EEIG2: variants seen among roughly 807,000 people sequenced by gnomAD.
EEIG2 encodes family with sequence similarity 102 member B.
chr1:108,611,165 A>G, the EEIG2 span, among the ~76,000 whole-genome samples: 1 of 152,180 alleles, frequency 6.6e-6, no homozygotes, highest in African/African-American at 2.4e-5. Context: ...TGCCATTTAT[A>G]TGTGCCCACT....
At chr1:108,618,617 GC>G in the EEIG2 span, among the ~76,000 whole-genome samples, 4 of 152,046 alleles carry the variant, frequency 2.6e-5, no homozygotes, top group African/African-American at 9.7e-5. Context: ...ATTTGGCCGG[GC>G]TCGGTGGCTC....
At chr1:108,624,752 T>C in the EEIG2 span, 1 of 1,609,442 alleles carries the variant, frequency 6.2e-7, no homozygotes, top group Non-Finnish European at 8.5e-7. Flanking sequence ...ATAGCAGGTA[T>C]GGATGTGTGG....
the EEIG2 span, among the ~76,000 whole-genome samples, chr1:108,565,678 A>G: frequency 6.6e-6 from 1 of 152,172 alleles, no homozygotes; most frequent in Non-Finnish European, 1.5e-5. Context: ...TGTGGCAGAA[A>G]CACATGTGAA....
the EEIG2 span, among the ~76,000 whole-genome samples, chr1:108,596,010 A>G: frequency 2.0e-5 from 3 of 152,174 alleles, no homozygotes; most frequent in African/African-American, 7.2e-5. Context: ...GGAAAAAACA[A>G]GAGATTAAGA....
the EEIG2 span, chr1:108,624,749 G>T: frequency 1.9e-6 from 3 of 1,610,766 alleles, no homozygotes; most frequent in African/African-American, 2.7e-5. Flanking sequence ...GGAATAGCAG[G>T]TATGGATGTG....
the EEIG2 span, chr1:108,628,271 T>C: frequency 6.2e-7 from 1 of 1,614,014 alleles, no homozygotes; most frequent in Non-Finnish European, 8.5e-7. Context: ...AGGTAGAGGC[T>C]AACAGTGAAG....
the EEIG2 span, chr1:108,600,500 TG>T: frequency 1.3e-6 from 2 of 1,556,446 alleles, no homozygotes; most frequent in Admixed American, 3.5e-5. Flanking sequence ...AGTGAAAGTA[TG>T]GGTGTGCTTT....
the EEIG2 span, among the ~76,000 whole-genome samples, chr1:108,577,774 C>T: frequency 4.4e-5 from 6 of 134,944 alleles, no homozygotes; most frequent in Admixed American, 1.6e-4. Flanking sequence ...ATTGACTTGG[C>T]GATGCGGGCT....
At chr1:108,606,740 C>T in the EEIG2 span, among the ~76,000 whole-genome samples, 1 of 152,222 alleles carries the variant, frequency 6.6e-6, no homozygotes, top group Non-Finnish European at 1.5e-5. Context: ...TTTGTATTTC[C>T]AGTCTCTGTG....
At chr1:108,617,650 C>T in the EEIG2 span, among the ~76,000 whole-genome samples, 2 of 151,896 alleles carry the variant, frequency 1.3e-5, no homozygotes, top group African/African-American at 2.4e-5. Context: ...CTAGAGGGAA[C>T]GAGTAGAGAT....
At chr1:108,601,254 C>CT in the EEIG2 span, among the ~76,000 whole-genome samples, 1 of 151,568 alleles carries the variant, frequency 6.6e-6, no homozygotes, top group East Asian at 1.9e-4. Flanking sequence ...TATGGTTCAA[C>CT]TTTCTGTTTG....
the EEIG2 span, among the ~76,000 whole-genome samples, chr1:108,591,952 A>G: frequency 6.6e-6 from 1 of 152,218 alleles, no homozygotes; most frequent in Non-Finnish European, 1.5e-5. Flanking sequence ...GTCAAGAGAT[A>G]AGACTAAAGA....
At chr1:108,560,616 T>C in the EEIG2 span, 6 of 1,585,578 alleles carry the variant, frequency 3.8e-6, no homozygotes, top group Non-Finnish European at 5.1e-6. Context: ...CCAGGGCTTG[T>C]TGGATGGGCA....
the EEIG2 span, among the ~76,000 whole-genome samples, chr1:108,580,445 TG>T: frequency 6.6e-6 from 1 of 152,144 alleles, no homozygotes; most frequent in African/African-American, 2.4e-5. Context: ...AAGCTAGCAA[TG>T]ATTAAGCTTA....
At chr1:108,634,616 C>T in the EEIG2 span, among the ~76,000 whole-genome samples, 1 of 152,150 alleles carries the variant, frequency 6.6e-6, no homozygotes, top group Non-Finnish European at 1.5e-5. Flanking sequence ...ATTGCTTGAG[C>T]CCAGGAGTTC....
the EEIG2 span, chr1:108,628,550 G>C: frequency 6.2e-7 from 1 of 1,612,830 alleles, no homozygotes; most frequent in South Asian, 1.1e-5. Context: ...TGATACAGCT[G>C]ATAAAGAAGA....
chr1:108,580,251 A>G, the EEIG2 span, among the ~76,000 whole-genome samples: 64 of 152,288 alleles, frequency 4.2e-4, no homozygotes, highest in African/African-American at 1.5e-3. Flanking sequence ...AAGGTGGCGA[A>G]CTTAGTAGTG....
At chr1:108,572,652 G>A in the EEIG2 span, among the ~76,000 whole-genome samples, 3 of 152,000 alleles carry the variant, frequency 2.0e-5, no homozygotes, top group Non-Finnish European at 2.9e-5. Context: ...GTCTCGCCCT[G>A]TCGCCCAGGC....
At chr1:108,605,782 T>C in the EEIG2 span, among the ~76,000 whole-genome samples, 2 of 152,216 alleles carry the variant, frequency 1.3e-5, no homozygotes, top group Non-Finnish European at 2.9e-5. Flanking sequence ...ACTAAATGTA[T>C]ACTTTTACAT....
Sources: gnomAD v4.1 joint callset for allele counts (sites outside exome capture counted in the v4.1 genomes callset) on GRCh38, gnomAD v4.1.1 for gene constraint, MANE v1.5 for transcripts, NCBI Gene and HGNC (gene_info 2026-07-23, HGNC 2026-07-21) for gene names.